RUFY3: variants seen among roughly 807,000 people sequenced by gnomAD.
RUFY3 encodes the protein protein RUFY3.
In RUFY3, 34 loss-of-function variants were observed where a neutral mutation model predicts 84.0. That is an observed-to-expected ratio of 0.40 (90% CI 0.31 to 0.54). The LOEUF is 0.54. RUFY3 is among the 20% of genes least tolerant of loss of function. The probability of loss-of-function intolerance (pLI) is 0.39; values close to 1 mark genes in which losing one functional copy is unlikely to be tolerated. For synonymous variants in RUFY3, 242 were observed against 252.9 expected (o/e 0.96, Z 0.41); for missense variants, 507 against 736.8 (o/e 0.69, Z 3.61).
At chr4:70,796,519 C>T (rs139918073) in intron 14 of RUFY3, among the ~76,000 whole-genome samples, 16 of 152,296 alleles carry the variant, frequency 1.1e-4, no homozygotes, top group African/African-American at 3.1e-4. Context: ...GCAGCTGATA[C>T]GGGCACAACA....
At chr4:70,773,260 A>ATTT (rs2148736845) in intron 5 of RUFY3, among the ~76,000 whole-genome samples, 1 of 152,336 alleles carries the variant, frequency 6.6e-6, no homozygotes, top group Admixed American at 6.5e-5. Flanking sequence ...GACCTTATTT[A>ATTT]TATTAAGTAT....
At chr4:70,770,678 G>A (rs1360832261) in intron 5 of RUFY3, among the ~76,000 whole-genome samples, 2 of 152,124 alleles carry the variant, frequency 1.3e-5, no homozygotes, top group East Asian at 3.9e-4. Context: ...TCAGCAATAA[G>A]GCTGTTTTGC....
intron 1 of RUFY3, among the ~76,000 whole-genome samples, chr4:70,751,911 A>G (rs1723192617): frequency 6.6e-6 from 1 of 152,166 alleles, no homozygotes; most frequent in Non-Finnish European, 1.5e-5. Flanking sequence ...GCATTTGGAT[A>G]TCCAATTATC....
At chr4:70,791,759 A>G in intron 12 of RUFY3, 1 of 990,434 alleles carries the variant, frequency 1.0e-6, no homozygotes, top group South Asian at 4.6e-5. Context: ...GAACTCTTCT[A>G]AAATAGTTCT....
chr4:70,723,934 T>C (rs887219169), intron 1 of RUFY3, among the ~76,000 whole-genome samples: 3 of 152,170 alleles, frequency 2.0e-5, no homozygotes, highest in Admixed American at 6.5e-5. Flanking sequence ...GTTTTAGGGA[T>C]GGTTAATAAC....
chr4:70,722,903 TTC>T (rs980503199), intron 1 of RUFY3, 152 bp downstream of exon 1: 2 of 657,188 alleles, frequency 3.0e-6, no homozygotes, highest in Non-Finnish European at 4.8e-6. Context: ...CCAGCTCCCC[TTC>T]TCTTGCTCAT....
chr4:70,789,175 T>C (rs1048667042), intron 11 of RUFY3, among the ~76,000 whole-genome samples: 2 of 152,202 alleles, frequency 1.3e-5, no homozygotes, highest in Admixed American at 1.3e-4. Context: ...ATGGCCACTT[T>C]TCACATTATA....
intron 3 of RUFY3, 61 bp from the exon 4 acceptor site, chr4:70,764,414 T>C: frequency 9.0e-7 from 1 of 1,117,042 alleles, no homozygotes; most frequent in Non-Finnish European, 1.4e-6. Context: ...GAACTGATTC[T>C]ACTGTAGCCT....
chr4:70,789,838 GT>G (rs2148796528), intron 12 of RUFY3: 2 of 1,143,242 alleles, frequency 1.7e-6, no homozygotes, highest in East Asian at 1.2e-4. Flanking sequence ...TTTTATGACT[GT>G]TTTGAACATC....
chr4:70,765,760 T>C (rs1431558859), intron 4 of RUFY3, among the ~76,000 whole-genome samples: 1 of 146,748 alleles, frequency 6.8e-6, no homozygotes, highest in Admixed American at 6.8e-5. Flanking sequence ...GTTAATATCT[T>C]TTTTTTTTTT....
chr4:70,779,476 A>C (rs1490410133), intron 8 of RUFY3, among the ~76,000 whole-genome samples: 1 of 152,174 alleles, frequency 6.6e-6, no homozygotes, highest in Non-Finnish European at 1.5e-5. Context: ...TAACTTGCCA[A>C]GCCTTAGCTA....
At chr4:70,787,185 AAAAT>A (rs1375145299) in intron 10 of RUFY3, among the ~76,000 whole-genome samples, 330 of 119,158 alleles carry the variant, frequency 2.8e-3, no homozygotes, top group African/African-American at 9.7e-3. Context: ...AAAAAAAAAA[AAAAT>A]ATATATATAT....
chr4:70,783,824 C>G (rs145953187), intron 9 of RUFY3, among the ~76,000 whole-genome samples: 172 of 152,232 alleles, frequency 1.1e-3, no homozygotes, highest in African/African-American at 4.0e-3. Flanking sequence ...TAAATATTCC[C>G]CGATTTCTGT....
At chr4:70,773,129 T>TA (rs1727267421) in intron 5 of RUFY3, among the ~76,000 whole-genome samples, 1 of 152,212 alleles carries the variant, frequency 6.6e-6, no homozygotes. Flanking sequence ...CCCTTTTTTT[T>TA]AGCTGTATTT....
At chr4:70,720,078 T>C (rs1488244229), upstream of RUFY3, among the ~76,000 whole-genome samples, 1 of 152,154 alleles carries the variant, frequency 6.6e-6, no homozygotes, top group African/African-American at 2.4e-5. Context: ...CCCTCCTTCT[T>C]TTTTTTATTT....
At chr4:70,787,977 T>C (rs1730176778) in intron 10 of RUFY3, among the ~76,000 whole-genome samples, 1 of 152,134 alleles carries the variant, frequency 6.6e-6, no homozygotes, top group East Asian at 1.9e-4. Context: ...AGAGGTTTCA[T>C]GTTAAGTGAA....
At chr4:70,705,229 C>T in exon 1 of RUFY3, 3 of 1,461,362 alleles carry the variant, frequency 2.1e-6, no homozygotes, top group Non-Finnish European at 2.7e-6. Context: ...CCCGGCTCAC[C>T]GCTGCCCTTC....
At chr4:70,782,989 G>A in intron 8 of RUFY3, 102 bp from the exon 9 acceptor site, 1 of 681,128 alleles carries the variant, frequency 1.5e-6, no homozygotes, top group Non-Finnish European at 2.5e-6. Context: ...TGCTTTCTAA[G>A]AATATCCAAG....
chr4:70,710,819 T>C (rs766780841), intron 1 of RUFY3, among the ~76,000 whole-genome samples: 8 of 151,574 alleles, frequency 5.3e-5, no homozygotes, highest in Non-Finnish European at 1.0e-4. Flanking sequence ...TCCCAGCACT[T>C]TGGGAGGCCA....
Sources: allele counts gnomAD v4.1 joint callset (sites outside exome capture counted in the v4.1 genomes callset), GRCh38; gene constraint gnomAD v4.1.1; transcripts MANE v1.5; gene names NCBI Gene and HGNC (gene_info 2026-07-23, HGNC 2026-07-21).